The following CDH13 variants were observed in gnomAD, a reference collection of about 807,000 sequenced individuals.
CDH13 encodes the protein cadherin 13, also known as cadherin-13.
CDH13 carries 24 observed loss-of-function variants against 63.8 expected under a neutral mutation model. The ratio of observed to expected loss-of-function variants is 0.38; its 90% CI spans 0.27 to 0.53. The LOEUF is 0.53. Among genes scored for constraint, CDH13 ranks in the 20% least tolerant of loss-of-function variants. CDH13 has a pLI of 0.85. For synonymous variants in CDH13, 503 were observed against 355.3 expected (o/e 1.42, Z -4.67); for missense variants, 1,049 against 903.1 (o/e 1.16, Z -2.07).
intron 7 of CDH13, among the ~76,000 whole-genome samples, chr16:83,524,952 C>A (rs944928555): frequency 2.0e-5 from 3 of 152,108 alleles, no homozygotes; most frequent in African/African-American, 7.2e-5. Context: ...GTCAGTAGAC[C>A]AATGATTTTC....
chr16:83,685,862 G>A (rs920116027), intron 10 of CDH13, among the ~76,000 whole-genome samples: 2 of 152,174 alleles, frequency 1.3e-5, no homozygotes, highest in Non-Finnish European at 2.9e-5. Context: ...AGGGAATAGG[G>A]TGCCAGACCA....
chr16:83,785,861 GTCCTGGTGAGTGAC>G (rs1019258673), intron 13 of CDH13, among the ~76,000 whole-genome samples: 2 of 152,172 alleles, frequency 1.3e-5, no homozygotes, highest in Non-Finnish European at 2.9e-5. Context: ...AATCAGGACC[GTCCTGGTGAGTGAC>G]TCCAACGTTT....
At chr16:83,758,512 G>A (rs896393188) in intron 11 of CDH13, among the ~76,000 whole-genome samples, 3 of 152,058 alleles carry the variant, frequency 2.0e-5, no homozygotes, top group Admixed American at 2.0e-4. Flanking sequence ...TTCCTCAATG[G>A]TGAAATAGTA....
chr16:82,630,229 C>T (rs77534307), intron 1 of CDH13, among the ~76,000 whole-genome samples: 2 of 152,046 alleles, frequency 1.3e-5, no homozygotes, highest in East Asian at 1.9e-4. Flanking sequence ...GCTGCCCCCT[C>T]CCCCCCTAGG....
At chr16:82,852,943 T>C (rs2039552474) in intron 1 of CDH13, among the ~76,000 whole-genome samples, 1 of 152,194 alleles carries the variant, frequency 6.6e-6, no homozygotes. Flanking sequence ...AAGTTGGGTA[T>C]ATTCTTGAAT....
intron 1 of CDH13, among the ~76,000 whole-genome samples, chr16:82,773,704 A>G (rs1368269360): frequency 3.9e-5 from 6 of 152,180 alleles, no homozygotes; most frequent in Admixed American, 3.9e-4. Flanking sequence ...AGCAAACTGA[A>G]AATAAATCTT....
intron 7 of CDH13, among the ~76,000 whole-genome samples, chr16:83,599,836 A>G (rs1392154013): frequency 1.3e-5 from 2 of 152,212 alleles, no homozygotes; most frequent in Admixed American, 1.3e-4. Flanking sequence ...TTTTATGACA[A>G]AAGTGAAAGC....
chr16:82,679,579 A>G (rs568698255), intron 1 of CDH13, among the ~76,000 whole-genome samples: 1 of 152,082 alleles, frequency 6.6e-6, no homozygotes, highest in African/African-American at 2.4e-5. Context: ...GTACATATGA[A>G]CTCACTCACG....
At chr16:83,142,098 G>A (rs1047972494) in intron 4 of CDH13, among the ~76,000 whole-genome samples, 1 of 151,874 alleles carries the variant, frequency 6.6e-6, no homozygotes, top group Non-Finnish European at 1.5e-5. Context: ...GGGCTATCTG[G>A]TGAGCATAAG....
chr16:82,792,053 C>A (rs1039614346), intron 1 of CDH13, among the ~76,000 whole-genome samples: 6 of 152,162 alleles, frequency 3.9e-5, no homozygotes, highest in African/African-American at 1.4e-4. Context: ...CCGCTGCTGT[C>A]CCCTCCTTTT....
chr16:83,037,797 T>C (rs1173316063), intron 3 of CDH13, among the ~76,000 whole-genome samples: 1 of 152,184 alleles, frequency 6.6e-6, no homozygotes, highest in African/African-American at 2.4e-5. Context: ...ACTCATTGTG[T>C]GACTTGGGCA....
chr16:82,926,753 G>C (rs886509258), intron 2 of CDH13, among the ~76,000 whole-genome samples: 1 of 152,184 alleles, frequency 6.6e-6, no homozygotes, highest in Non-Finnish European at 1.5e-5. Context: ...GCATGGACAG[G>C]AGGACTTCAA....
chr16:83,773,330 G>A (rs565199765), intron 11 of CDH13, among the ~76,000 whole-genome samples: 10 of 152,254 alleles, frequency 6.6e-5, no homozygotes, highest in East Asian at 1.9e-4. Flanking sequence ...GCTACTACTC[G>A]ATACTGGGTA....
intron 6 of CDH13, among the ~76,000 whole-genome samples, chr16:83,377,677 C>A (rs535384861): frequency 6.6e-6 from 1 of 152,172 alleles, no homozygotes; most frequent in Admixed American, 6.5e-5. Flanking sequence ...CAGTGAGCTT[C>A]CATTTCTTCT....
chr16:83,388,549 G>C (rs1390124253), intron 6 of CDH13, among the ~76,000 whole-genome samples: 3 of 152,198 alleles, frequency 2.0e-5, no homozygotes, highest in Non-Finnish European at 2.9e-5. Flanking sequence ...AGGAGCAGCT[G>C]CCTGTTTGGA....
At chr16:82,798,485 A>G (rs978126976) in intron 1 of CDH13, among the ~76,000 whole-genome samples, 2 of 152,138 alleles carry the variant, frequency 1.3e-5, no homozygotes, top group Non-Finnish European at 2.9e-5. Context: ...TTACTCTCCA[A>G]CCATCATTTC....
At chr16:83,129,088 C>A (rs1258360950) in intron 4 of CDH13, among the ~76,000 whole-genome samples, 1 of 152,000 alleles carries the variant, frequency 6.6e-6, no homozygotes, top group Non-Finnish European at 1.5e-5. Flanking sequence ...CTGTCTTATC[C>A]TCATCAACTC....
intron 3 of CDH13, among the ~76,000 whole-genome samples, chr16:83,103,099 T>G (rs1348536267): frequency 2.0e-5 from 3 of 150,912 alleles, no homozygotes; most frequent in East Asian, 1.9e-4. Flanking sequence ...ATTACAGGAG[T>G]GTGCCACCAC....
intron 7 of CDH13, among the ~76,000 whole-genome samples, chr16:83,577,633 T>C (rs1905180543): frequency 6.6e-6 from 1 of 152,214 alleles, no homozygotes; most frequent in Non-Finnish European, 1.5e-5. Context: ...CTCATGGGTT[T>C]GTACTGCTTC....
Sources: allele counts gnomAD v4.1 joint callset (sites outside exome capture counted in the v4.1 genomes callset), GRCh38; gene constraint gnomAD v4.1.1; transcripts MANE v1.5; gene names NCBI Gene and HGNC (gene_info 2026-07-23, HGNC 2026-07-21).